Variants in EPC2 observed in about 807,000 individuals in gnomAD.
EPC2 encodes the protein enhancer of polycomb homolog 2.
Under a neutral mutation model 92.1 loss-of-function variants are expected in EPC2, and 14 were observed. The ratio of observed to expected loss-of-function variants is 0.15; its 90% confidence interval spans 0.10 to 0.24. The LOEUF (loss-of-function observed/expected upper bound fraction) is 0.24. Among genes scored for constraint, EPC2 ranks in the 10% least tolerant of loss-of-function variants. The pLI, the probability that EPC2 is intolerant of heterozygous loss-of-function variation, is 1.00. For missense variants in EPC2, 755 were observed against 971.5 expected, an observed-to-expected ratio of 0.78 and a Z score of 2.96; for synonymous variants, 340 against 334.7, an observed-to-expected ratio of 1.02 and a Z score of -0.17.
intron 1 of EPC2, among the ~76,000 whole-genome samples, chr2:148,673,462 T>C (rs1025984696): frequency 1.3e-5 from 2 of 152,246 alleles, no homozygotes; most frequent in African/African-American, 4.8e-5. Context: ...ATAAGTCTGC[T>C]GTTGAACCTC....
chr2:148,747,971 C>A (rs149272959), intron 3 of EPC2, among the ~76,000 whole-genome samples: 2 of 152,164 alleles, frequency 1.3e-5, no homozygotes, highest in Admixed American at 1.3e-4. Context: ...GGATTTGTGT[C>A]CCTGCTCAAA....
intron 3 of EPC2, among the ~76,000 whole-genome samples, chr2:148,750,517 T>C (rs1343632148): frequency 1.3e-5 from 2 of 152,080 alleles, no homozygotes; most frequent in Non-Finnish European, 1.5e-5. Context: ...GAGAAGAAAA[T>C]GTTTTCTCCT....
At chr2:148,770,107 G>A (rs541202033) in intron 8 of EPC2, among the ~76,000 whole-genome samples, 1 of 152,142 alleles carries the variant, frequency 6.6e-6, no homozygotes, top group Non-Finnish European at 1.5e-5. Flanking sequence ...GTGCAATGGT[G>A]CAATCATACA....
At chr2:148,679,671 G>A (rs956302839) in intron 1 of EPC2, among the ~76,000 whole-genome samples, 1 of 151,982 alleles carries the variant, frequency 6.6e-6, no homozygotes, top group African/African-American at 2.4e-5. Context: ...AGAGAGAGAG[G>A]GTCTTGCTCT....
At chr2:148,655,920 T>A (rs1680783531) in intron 1 of EPC2, among the ~76,000 whole-genome samples, 1 of 149,840 alleles carries the variant, frequency 6.7e-6, no homozygotes, top group Non-Finnish European at 1.5e-5. Flanking sequence ...TATAAAAATT[T>A]AACAGCACAA....
chr2:148,651,200 A>T (rs1680675479), intron 1 of EPC2, among the ~76,000 whole-genome samples: 1 of 152,190 alleles, frequency 6.6e-6, no homozygotes, highest in Admixed American at 6.5e-5. Flanking sequence ...TGAGCATAAG[A>T]ATATCTAAAG....
intron 7 of EPC2, among the ~76,000 whole-genome samples, chr2:148,767,606 T>A (rs761280348): frequency 2.0e-5 from 3 of 152,190 alleles, no homozygotes; most frequent in Non-Finnish European, 4.4e-5. Context: ...AAAGTAATCA[T>A]ATTTTTCTTT....
chr2:148,696,752 T>G (rs1656506445), intron 2 of EPC2, among the ~76,000 whole-genome samples: 1 of 152,082 alleles, frequency 6.6e-6, no homozygotes, highest in Non-Finnish European at 1.5e-5. Context: ...GCAACTAATA[T>G]CTCCATAAAT....
At chr2:148,705,036 G>T (rs1369438583) in intron 2 of EPC2, among the ~76,000 whole-genome samples, 1 of 150,582 alleles carries the variant, frequency 6.6e-6, no homozygotes, top group East Asian at 1.9e-4. Context: ...CACACTTTTT[G>T]TGTTAATATA....
intron 2 of EPC2, among the ~76,000 whole-genome samples, chr2:148,719,284 TGA>T (rs1682322098): frequency 6.6e-6 from 1 of 152,182 alleles, no homozygotes; most frequent in Non-Finnish European, 1.5e-5. Context: ...AGCCCTTGCT[TGA>T]GAGATGTTGT....
rs1403603489 is a variant in EPC2 at position 148,644,889 on chromosome 2, G to A, written c.-129G>A. Reference sequence around the variant, plus strand: ...CGCCCATGCTGTGGCCGGGGGCAGTGAGGAGGAGGAGGAGCGGGCCGGCCG... The same window carrying A: ...CGCCCATGCTGTGGCCGGGGGCAGTAAGGAGGAGGAGGAGCGGGCCGGCCG... On this transcript the variant is annotated 5_prime_UTR_variant, in exon 1 of 14. Coordinates refer to ENST00000258484, the MANE Select transcript of EPC2 (RefSeq NM_015630.4). The A allele has an allele frequency of 4.5e-6, 3 of 664,156 alleles. No homozygotes were observed. The highest frequency in any genetic ancestry group is 3.9e-5 in the South Asian group (2 of 51,852). 41.1% of individuals were successfully genotyped at this position (664,156 alleles called of 1,614,324 possible).
At chr2:148,678,078 T>C (rs974111704) in intron 1 of EPC2, among the ~76,000 whole-genome samples, 2 of 152,218 alleles carry the variant, frequency 1.3e-5, no homozygotes, top group African/African-American at 2.4e-5. Context: ...AGCTGAGTGG[T>C]CTGTTTTGAC....
At position 148,745,488 on chromosome 2, in the gene EPC2, C is replaced by CA. The variant is rs1167749752; in HGVS notation, c.459+1728dup. On this transcript the variant is annotated intron_variant, in intron 3 of 13. Transcript: ENST00000258484. The stretch of plus-strand genomic sequence containing the variant: ...ATTATCCAATTGGAGACAGGATAAA[C>CA]AAAAAAACATGTAAGCAATACAGTT... 3.3e-5 allele frequency among the ~76,000 whole-genome samples: 5 copies of CA among 151,962 alleles called. No individual in the cohort carries two copies. In the East Asian group the frequency reaches 7.7e-4, roughly 23 times the overall value.
chr2:148,785,024 T>C, intron 13 of EPC2, 23 bp downstream of exon 13: 1 of 1,460,668 alleles, frequency 6.8e-7, no homozygotes, highest in Non-Finnish European at 9.1e-7. Flanking sequence ...GTTTCAGTGA[T>C]TTTTCTCCCT....
chr2:148,694,941 T>A (rs909269226), intron 2 of EPC2, among the ~76,000 whole-genome samples: 3 of 152,090 alleles, frequency 2.0e-5, no homozygotes, highest in Admixed American at 2.0e-4. Flanking sequence ...CCCGGCTAAT[T>A]TTTGTATTTT....
intron 2 of EPC2, among the ~76,000 whole-genome samples, chr2:148,716,712 T>C (rs550596392): frequency 1.3e-5 from 2 of 152,106 alleles, no homozygotes; most frequent in Non-Finnish European, 2.9e-5. Context: ...CTTTTTTGTT[T>C]TATCTCTGCC....
intron 2 of EPC2, among the ~76,000 whole-genome samples, chr2:148,716,058 T>G (rs1225118173): frequency 6.6e-6 from 1 of 152,202 alleles, no homozygotes; most frequent in Non-Finnish European, 1.5e-5. Context: ...GCCAACAATT[T>G]TTGAACATTG....
intron 2 of EPC2, among the ~76,000 whole-genome samples, chr2:148,721,138 A>G (rs1228690159): frequency 6.6e-6 from 1 of 151,582 alleles, no homozygotes; most frequent in African/African-American, 2.4e-5. Context: ...TCCTATGTTT[A>G]TGTAGATCTG....
chr2:148,764,847 C>G, intron 6 of EPC2, 108 bp from the exon 7 acceptor site: 1 of 841,000 alleles, frequency 1.2e-6, no homozygotes. Flanking sequence ...ACAATAAAAT[C>G]ACCTCCTGGG....
Sources: gnomAD v4.1 joint callset for allele counts (sites outside exome capture counted in the v4.1 genomes callset) on GRCh38, gnomAD v4.1.1 for gene constraint, MANE v1.5 for transcripts, NCBI Gene and HGNC (gene_info 2026-07-23, HGNC 2026-07-21) for gene names.